C17orf75: variants seen among roughly 807,000 people sequenced by gnomAD.
C17orf75 encodes the protein protein Njmu-R1.
C17orf75 carries 32 observed loss-of-function variants against 49.6 expected under a neutral mutation model. The ratio of observed to expected loss-of-function variants is 0.65; its 90% CI spans 0.49 to 0.87. The LOEUF (loss-of-function observed/expected upper bound fraction) is 0.87, where lower values mean the gene tolerates loss of function less well. Ranked by LOEUF, C17orf75 falls within the 40% of genes least tolerant of loss-of-function variation. C17orf75 has a pLI of 0.00. For synonymous variants in C17orf75, 158 were observed against 159.5 expected (o/e 0.99, Z 0.07); for missense variants, 428 against 473.9 (o/e 0.90, Z 0.90).
intron 2 of C17orf75, 75 bp from the exon 3 acceptor site, chr17:32,340,013 A>G: frequency 6.4e-7 from 1 of 1,551,876 alleles, no homozygotes; most frequent in Non-Finnish European, 8.7e-7. Flanking sequence ...ACAGAATGGT[A>G]CCAACGCCAG....
At chr17:32,332,050 C>G (rs1343638347) in intron 9 of C17orf75, 72 bp from the exon 10 acceptor site, 16 of 1,223,664 alleles carry the variant, frequency 1.3e-5, no homozygotes, top group Non-Finnish European at 1.7e-5. Context: ...AACTCCTATC[C>G]AGCTGAGAAC....
chr17:32,342,912 A>G (rs1168025984), upstream of C17orf75, among the ~76,000 whole-genome samples: 1 of 152,216 alleles, frequency 6.6e-6, no homozygotes, highest in Non-Finnish European at 1.5e-5. Flanking sequence ...ATTCTCTGGT[A>G]CCAGTTTTCT....
rs2041253704 is a variant in C17orf75, at chr17:32,328,917, AAC to A, written c.*2844_*2845del. ...AAAATAAAACAAAAACAAAAAAAAA[AAC>A]AACTTTAAAAGCCAAGATAGTAGCT... is the stretch of plus-strand genomic sequence containing the variant. On this transcript the variant is annotated 3_prime_UTR_variant, in exon 10 of 10. Transcript: ENST00000577809. 1 of 151,664 alleles carries A rather than the reference AAC, an allele frequency of 6.6e-6. No individual in the cohort carries two copies. Among genetic ancestry groups the A allele is most frequent in the African/African-American group, 2.4e-5 (1 of 41,308 alleles). The allele number at this position is 151,664 out of a possible 1,614,324, so 9.4% of individuals were successfully genotyped here.
intron 5 of C17orf75, among the ~76,000 whole-genome samples, chr17:32,336,036 G>A (rs2041322341): frequency 6.6e-6 from 1 of 152,176 alleles, no homozygotes; most frequent in African/African-American, 2.4e-5. Flanking sequence ...CACACGAAGA[G>A]CTCTAGTCCG....
chr17:32,332,832 CA>C (rs1270403078), intron 9 of C17orf75, among the ~76,000 whole-genome samples: 1 of 151,688 alleles, frequency 6.6e-6, no homozygotes. Context: ...TTTTTTTAGA[CA>C]GAGTCTCACT....
At chr17:32,337,155 A>G (rs1427471076) in intron 5 of C17orf75, among the ~76,000 whole-genome samples, 4 of 151,520 alleles carry the variant, frequency 2.6e-5, no homozygotes, top group African/African-American at 9.7e-5. Context: ...TCAAAAAATG[A>G]AAAAGAAAAA....
At chr17:32,342,267 C>A, upstream of C17orf75, 1 of 1,367,620 alleles carries the variant, frequency 7.3e-7, no homozygotes, top group South Asian at 1.6e-5. Context: ...TCCCCGGGTT[C>A]GCAGGCAAGG....
intron 5 of C17orf75, among the ~76,000 whole-genome samples, chr17:32,336,731 C>T (rs1462399027): frequency 2.0e-5 from 3 of 152,196 alleles, no homozygotes; most frequent in Non-Finnish European, 2.9e-5. Flanking sequence ...ACATCCTCTT[C>T]CTCGCCAGGC....
chr17:32,343,631 A>G (rs997922450), upstream of C17orf75: 6 of 519,686 alleles, frequency 1.2e-5, no homozygotes, highest in African/African-American at 9.6e-5. Flanking sequence ...ACAAGTGAGT[A>G]TAGCAGTCAG....
chr17:32,349,320 A>G (rs535770132), intron 1 of C17orf75, among the ~76,000 whole-genome samples: 68 of 151,962 alleles, frequency 4.5e-4, no homozygotes, highest in African/African-American at 1.5e-3. Context: ...CAGCGGCTCA[A>G]GCCTGCAATC....
In C17orf75 at chr17:32,342,129, G is replaced by A. The variant is rs778625425; in HGVS notation, c.11C>T (p.Ser4Phe). 4.1e-5 allele frequency: 66 copies of A among 1,600,132 alleles called. No homozygotes were observed. Among genetic ancestry groups the A allele is most frequent in the Non-Finnish European group, 5.6e-5 (66 of 1,174,144 alleles). The part of the protein sequence containing the change: MLP[S>F]LQESMDGDEK... ...ATCTCCATCCATCGACTCCTGCAAAGAGGGGAGCATTGCGGCGGCCTCTGA... is the reference window on the plus strand; with the variant it reads ...ATCTCCATCCATCGACTCCTGCAAAAAGGGGAGCATTGCGGCGGCCTCTGA... The change falls in exon 1 of 10, where the codon TCT becomes TTT. Residue 4 changes from serine (S) to phenylalanine (F), a missense_variant. Ser to Phe is a radical substitution (Grantham distance 155). Transcript: ENST00000577809.
In C17orf75 at chr17:32,338,258, A is replaced by G; in HGVS notation, c.441T>C (p.Pro147=). ...CTAAAAAACAGACCACATATTCTGA[A>G]GGGTTACGTTCAGAGTCTATCGTTA... ...ETVTIDSERN[P]SEYVVCFLGG... The change falls in exon 4 of 10, where the codon CCT becomes CCC. Residue 147 remains proline, a synonymous_variant. Coordinates refer to ENST00000577809, the MANE Select transcript of C17orf75 (RefSeq NM_022344.4). 6.2e-7 allele frequency: 1 copy of G among 1,613,276 alleles called. No homozygotes were observed. The highest frequency in any genetic ancestry group is 1.1e-5 in the South Asian group (1 of 90,730).
chr17:32,342,794 C>CA (rs2041393924), upstream of C17orf75, among the ~76,000 whole-genome samples: 1 of 152,110 alleles, frequency 6.6e-6, no homozygotes, highest in South Asian at 2.1e-4. Flanking sequence ...AAAAATTAGC[C>CA]ACGTGTGGTG....
upstream of C17orf75, chr17:32,342,221 G>T (rs1174955386): frequency 8.6e-6 from 12 of 1,401,914 alleles, no homozygotes; most frequent in Non-Finnish European, 1.1e-5. Context: ...GGGCTCGTCC[G>T]GCTCCCGGCC....
chr17:32,336,186 C>T (rs1246302327), intron 5 of C17orf75, among the ~76,000 whole-genome samples: 1 of 152,154 alleles, frequency 6.6e-6, no homozygotes, highest in African/African-American at 2.4e-5. Context: ...AGAGTCATGA[C>T]TAACAACTGC....
chr17:32,345,997 T>G (rs2041422499), upstream of C17orf75, among the ~76,000 whole-genome samples: 1 of 152,188 alleles, frequency 6.6e-6, no homozygotes, highest in Non-Finnish European at 1.5e-5. Flanking sequence ...CTTTAGTATA[T>G]ACACATATCC....
intron 2 of C17orf75, 52 bp from the exon 3 acceptor site, chr17:32,339,990 C>A (rs199676862): frequency 6.3e-7 from 1 of 1,599,446 alleles, no homozygotes; most frequent in Non-Finnish European, 8.5e-7. Flanking sequence ...GGTATTCACA[C>A]CCATTAAGTC....
At chr17:32,336,176 A>G (rs745986747) in intron 5 of C17orf75, among the ~76,000 whole-genome samples, 7 of 152,206 alleles carry the variant, frequency 4.6e-5, no homozygotes, top group Non-Finnish European at 8.8e-5. Flanking sequence ...TAAATTTGTG[A>G]GAGTCATGAC....
At chr17:32,342,933 A>C (rs773831628), upstream of C17orf75, among the ~76,000 whole-genome samples, 38 of 152,344 alleles carry the variant, frequency 2.5e-4, no homozygotes, top group Non-Finnish European at 4.4e-4. Flanking sequence ...GTCTCAGTCC[A>C]TTTTATGATG....
Sources: gnomAD v4.1 joint callset for allele counts (sites outside exome capture counted in the v4.1 genomes callset) on GRCh38, gnomAD v4.1.1 for gene constraint, MANE v1.5 for transcripts, NCBI Gene and HGNC (gene_info 2026-07-23, HGNC 2026-07-21) for gene names.